MYOM1: variants seen among roughly 807,000 people sequenced by gnomAD.
MYOM1 encodes the protein myomesin 1, also known as myomesin-1.
Under a neutral mutation model 205.3 loss-of-function variants are expected in MYOM1, and 164 were observed. That is an observed-to-expected ratio of 0.80 (90% CI 0.70 to 0.91). The LOEUF (loss-of-function observed/expected upper bound fraction) is 0.91, where lower values mean the gene tolerates loss of function less well. Among genes scored for constraint, MYOM1 ranks in the 40% least tolerant of loss-of-function variants. The probability of loss-of-function intolerance (pLI) is 0.00; values close to 1 mark genes in which losing one functional copy is unlikely to be tolerated. For missense variants in MYOM1, 2,011 were observed against 2,127.3 expected, an observed-to-expected ratio of 0.95 and a Z score of 1.08; for synonymous variants, 772 against 789.4, an observed-to-expected ratio of 0.98 and a Z score of 0.37.
intron 12 of MYOM1, among the ~76,000 whole-genome samples, chr18:3,150,750 C>T (rs1279852615): frequency 6.6e-6 from 1 of 152,162 alleles, no homozygotes; most frequent in Non-Finnish European, 1.5e-5. Context: ...GGCATGATTA[C>T]AGGGCATGAT....
intron 16 of MYOM1, among the ~76,000 whole-genome samples, chr18:3,133,609 T>C (rs1044619174): frequency 6.6e-6 from 1 of 152,166 alleles, no homozygotes; most frequent in Non-Finnish European, 1.5e-5. Flanking sequence ...TCATTTAAAA[T>C]TCCTGGGTAA....
At chr18:3,180,295 A>G (rs1488725444) in intron 5 of MYOM1, among the ~76,000 whole-genome samples, 1 of 152,212 alleles carries the variant, frequency 6.6e-6, no homozygotes, top group African/African-American at 2.4e-5. Flanking sequence ...TGGGTTTAAA[A>G]TACACACACA....
At chr18:3,176,959 C>T (rs2080650710) in intron 5 of MYOM1, among the ~76,000 whole-genome samples, 1 of 151,750 alleles carries the variant, frequency 6.6e-6, no homozygotes, top group Admixed American at 6.6e-5. Context: ...GGTTTTAGGC[C>T]AGGCATGGTG....
chr18:3,096,800 A>G (rs942215052), intron 25 of MYOM1, among the ~76,000 whole-genome samples: 1 of 151,966 alleles, frequency 6.6e-6, no homozygotes, highest in African/African-American at 2.4e-5. Context: ...TGTACCCTCC[A>G]CCCACCCCCT....
At chr18:3,088,409 T>C (rs1219590494) in intron 29 of MYOM1, among the ~76,000 whole-genome samples, 1 of 152,090 alleles carries the variant, frequency 6.6e-6, no homozygotes, top group Non-Finnish European at 1.5e-5. Context: ...TGATTTTCCT[T>C]ATATGTATTT....
intron 29 of MYOM1, among the ~76,000 whole-genome samples, chr18:3,087,810 TA>T (rs113924487): frequency 6.6e-6 from 1 of 152,172 alleles, no homozygotes; most frequent in African/African-American, 2.4e-5. Flanking sequence ...TTTATTTATT[TA>T]TTTTTTTTTT....
At chr18:3,102,297 C>T (rs1244243462) in intron 23 of MYOM1, among the ~76,000 whole-genome samples, 177 bp downstream of exon 23, 2 of 152,096 alleles carry the variant, frequency 1.3e-5, no homozygotes, top group African/African-American at 4.8e-5. Context: ...AGCCACCGCG[C>T]TCGGCCTAGG....
At chr18:3,090,567 C>A in intron 27 of MYOM1, 91 bp downstream of exon 27, 4 of 1,516,610 alleles carry the variant, frequency 2.6e-6, no homozygotes, top group Non-Finnish European at 2.7e-6. Context: ...AAAATTCCTA[C>A]TACCTTTCAA....
intron 27 of MYOM1, among the ~76,000 whole-genome samples, chr18:3,089,986 A>G (rs1567899609): frequency 6.6e-6 from 1 of 152,186 alleles, no homozygotes; most frequent in Non-Finnish European, 1.5e-5. Flanking sequence ...TTAGTAATTT[A>G]CAGTAAGTAC....
intron 5 of MYOM1, among the ~76,000 whole-genome samples, chr18:3,181,563 G>C (rs1049920536): frequency 6.6e-6 from 1 of 152,010 alleles, no homozygotes; most frequent in Non-Finnish European, 1.5e-5. Flanking sequence ...CTCAATGCAT[G>C]ATTCTATTAT....
rs749010805 is a variant in MYOM1 at position 3,129,260 on chromosome 18, A to G, written c.2766T>C (p.Ser922=). ...TGTCTGTCTTCTTTTTCAGGGGGTCAGACTTACTTTTCCCCTGAGGAGCCG... is the reference window on the plus strand; with the variant it reads ...TGTCTGTCTTCTTTTTCAGGGGGTCGGACTTACTTTTCCCCTGAGGAGCCG... ...QKAAPQGKSK[S]DPLKKKTDRA... Residue 922 remains serine, a synonymous_variant, in exon 18 of 38, where the codon TCT becomes TCC. Transcript: ENST00000356443. 2 of 1,613,900 alleles carry G rather than the reference A, an allele frequency of 1.2e-6. No individual in the cohort carries two copies. Among genetic ancestry groups the G allele is most frequent in the East Asian group, 4.5e-5 (2 of 44,886 alleles).
In MYOM1 at chr18:3,129,722, C is replaced by T. The variant is rs926070326; in HGVS notation, c.2507-203G>A. On this transcript the variant is annotated intron_variant, in intron 17 of 37. Coordinates refer to ENST00000356443, the MANE Select transcript of MYOM1 (RefSeq NM_003803.4). ...ACGCCAAGGAACATTTCACCTTCCC[C>T]GTATTCTGGAAAAAGAAGAAATGAG... is the stretch of plus-strand genomic sequence containing the variant. The T allele has an allele frequency of 5.0e-5, 24 of 481,264 alleles. 1 individual carries two copies. The highest frequency in any genetic ancestry group is 1.1e-3 in the Middle Eastern group (2 of 1,782). The allele number at this position is 481,264 out of a possible 1,614,324, so 29.8% of individuals were successfully genotyped here.
At chr18:3,086,713 T>C (rs769195105) in intron 29 of MYOM1, among the ~76,000 whole-genome samples, 6 of 152,188 alleles carry the variant, frequency 3.9e-5, no homozygotes, top group Non-Finnish European at 8.8e-5. Flanking sequence ...CTATTTCAAA[T>C]GGACTAAACA....
At chr18:3,212,744 T>C (rs376391283) in intron 2 of MYOM1, among the ~76,000 whole-genome samples, 1 of 152,218 alleles carries the variant, frequency 6.6e-6, no homozygotes, top group South Asian at 2.1e-4. Flanking sequence ...CTTTCCTAAA[T>C]GAGGTTCTTA....
In MYOM1 at chr18:3,189,864, A is replaced by T. The variant is rs1481843908; in HGVS notation, c.432-777T>A. 6.6e-6 allele frequency among the ~76,000 whole-genome samples: 1 copy of T among 152,118 alleles called. No individual in the cohort carries two copies. The highest frequency in any genetic ancestry group is 1.5e-5 in the Non-Finnish European group (1 of 68,016). ...CCTGTGACCCTGATACATGAGTAGG[A>T]GCTTGATCTGGGTTCTGTCACTTTG... On this transcript the variant is annotated intron_variant, in intron 3 of 37. Transcript: ENST00000356443. This position sits in a 1 kb window ranked among gnomAD's most constrained non-coding sequence, Gnocchi z 4.8.
chr18:3,228,521 TC>T, the MYOM1 span, among the ~76,000 whole-genome samples: 1 of 152,134 alleles, frequency 6.6e-6, no homozygotes, highest in Non-Finnish European at 1.5e-5. This position sits in a 1 kb window ranked among gnomAD's most constrained non-coding sequence, Gnocchi z 4.5. Context: ...GTTTTTTTTT[TC>T]CTTTAAAAGT....
At chr18:3,173,576 G>A (rs1173185449) in intron 8 of MYOM1, among the ~76,000 whole-genome samples, 2 of 17,240 alleles carry the variant, frequency 1.2e-4, no homozygotes, top group South Asian at 1.9e-3. Context: ...CCAGACTCGT[G>A]TGTGTGTGTG....
chr18:3,187,350 CTT>C lies in MYOM1; in HGVS notation c.929+128_929+129del, dbSNP rs371847220. 20 of 1,052,638 alleles carry C rather than the reference CTT, an allele frequency of 1.9e-5. No individual in the cohort carries two copies. In the African/African-American group the frequency reaches 2.5e-4, roughly 13 times the overall value. 65.2% of individuals were successfully genotyped at this position (1,052,638 alleles called of 1,614,324 possible). A position where few individuals can be genotyped will look rare whatever the true frequency, so the allele number is the denominator to read the frequency against. On this transcript the variant is annotated intron_variant, in intron 5 of 37. Coordinates refer to ENST00000356443, the MANE Select transcript of MYOM1 (RefSeq NM_003803.4). Reference sequence around the variant, plus strand: ...ATCTCAATGCCTACCCTTCTTCACTCTTTTAAAAACCTATACAATCTTGTAGA... The same window carrying C: ...ATCTCAATGCCTACCCTTCTTCACTCTTAAAAACCTATACAATCTTGTAGA...
At chr18:3,240,639 A>T in the MYOM1 span, among the ~76,000 whole-genome samples, 1 of 152,316 alleles carries the variant, frequency 6.6e-6, no homozygotes, top group East Asian at 1.9e-4. Context: ...TAATATAGCA[A>T]ATTGGTACCA....
Sources: allele counts gnomAD v4.1 joint callset (sites outside exome capture counted in the v4.1 genomes callset), GRCh38; gene constraint gnomAD v4.1.1; non-coding constraint Gnocchi (gnomAD v3.1); transcripts MANE v1.5; gene names NCBI Gene and HGNC (gene_info 2026-07-23, HGNC 2026-07-21).